The following CDH13 variants were observed in gnomAD, a reference collection of about 807,000 sequenced individuals.
The protein encoded by CDH13 is cadherin 13.
Under a neutral mutation model 63.8 loss-of-function variants are expected in CDH13, and 24 were observed. The ratio of observed to expected loss-of-function variants is 0.38; its 90% CI spans 0.27 to 0.53. The LOEUF is 0.53. Ranked by LOEUF, CDH13 falls within the 20% of genes least tolerant of loss-of-function variation. CDH13 has a pLI of 0.85. For missense variants in CDH13, 1,049 were observed against 903.1 expected (o/e 1.16, Z -2.07); for synonymous variants, 503 against 355.3 (o/e 1.42, Z -4.67).
At chr16:82,709,904 G>T (rs1271067763) in intron 1 of CDH13, among the ~76,000 whole-genome samples, 1 of 152,050 alleles carries the variant, frequency 6.6e-6, no homozygotes, top group Non-Finnish European at 1.5e-5. Context: ...GGGTTTGAAA[G>T]AAATAAAGCC....
At chr16:83,277,458 T>C (rs1273286118) in intron 5 of CDH13, among the ~76,000 whole-genome samples, 2 of 152,154 alleles carry the variant, frequency 1.3e-5, no homozygotes, top group African/African-American at 4.8e-5. Flanking sequence ...ACAATTCAGT[T>C]TGGGAATCCT....
chr16:82,744,882 T>A (rs1454046099), intron 1 of CDH13, among the ~76,000 whole-genome samples: 2 of 152,176 alleles, frequency 1.3e-5, no homozygotes, highest in Non-Finnish European at 2.9e-5. Flanking sequence ...GATACCCAGT[T>A]GTATCACTCT....
intron 6 of CDH13, among the ~76,000 whole-genome samples, chr16:83,408,088 C>G (rs9924792): frequency 0.013 from 1,978 of 152,244 alleles, 45 homozygotes; most frequent in African/African-American, 0.046. Context: ...TTGGGGACAA[C>G]GTTCAGAATC....
chr16:83,607,278 G>C (rs1044371058), intron 8 of CDH13, among the ~76,000 whole-genome samples: 1 of 151,888 alleles, frequency 6.6e-6, no homozygotes, highest in African/African-American at 2.4e-5. Flanking sequence ...AGATTAGCTG[G>C]GCATGGTGGC....
intron 5 of CDH13, among the ~76,000 whole-genome samples, chr16:83,291,627 C>T (rs1197317538): frequency 6.6e-6 from 1 of 152,068 alleles, no homozygotes; most frequent in Non-Finnish European, 1.5e-5. Context: ...AGATAGTTTT[C>T]TTGGTGGCCG....
intron 2 of CDH13, among the ~76,000 whole-genome samples, chr16:83,006,404 C>T (rs538108833): frequency 1.3e-5 from 2 of 152,334 alleles, no homozygotes; most frequent in South Asian, 4.1e-4. Context: ...ACACAACTTA[C>T]TTTCCCCCAG....
intron 3 of CDH13, among the ~76,000 whole-genome samples, chr16:83,100,735 G>A (rs947661148): frequency 1.3e-5 from 2 of 152,192 alleles, no homozygotes; most frequent in African/African-American, 4.8e-5. Context: ...GGATAGACTT[G>A]ACCATATGTT....
chr16:83,602,075 T>A, intron 7 of CDH13, among the ~76,000 whole-genome samples: 1 of 75,494 alleles, frequency 1.3e-5, no homozygotes, highest in Non-Finnish European at 2.3e-5. Context: ...AGAGTGAGAC[T>A]CTGTCTCAAA....
At chr16:83,391,071 C>T (rs965800232) in intron 6 of CDH13, among the ~76,000 whole-genome samples, 7 of 152,164 alleles carry the variant, frequency 4.6e-5, no homozygotes, top group Non-Finnish European at 8.8e-5. Flanking sequence ...TCCAATGACT[C>T]AGGCCCGAGT....
chr16:83,481,788 G>A (rs766892826), intron 6 of CDH13, among the ~76,000 whole-genome samples: 1 of 152,148 alleles, frequency 6.6e-6, no homozygotes, highest in Non-Finnish European at 1.5e-5. Context: ...CGGGGGAAAA[G>A]ACAGAAATGT....
intron 2 of CDH13, among the ~76,000 whole-genome samples, chr16:83,011,844 C>CT (rs1240970282): frequency 2.0e-5 from 3 of 152,202 alleles, no homozygotes; most frequent in African/African-American, 7.2e-5. Context: ...TTGCTCTTTG[C>CT]TGGATCTACC....
chr16:83,083,005 ATAAG>A (rs1201723223), intron 3 of CDH13, among the ~76,000 whole-genome samples: 1 of 152,160 alleles, frequency 6.6e-6, no homozygotes, highest in Non-Finnish European at 1.5e-5. Context: ...TAATAGGGAA[ATAAG>A]TAATAACTTT....
At chr16:83,076,114 A>G (rs2032816092) in intron 3 of CDH13, among the ~76,000 whole-genome samples, 1 of 152,210 alleles carries the variant, frequency 6.6e-6, no homozygotes, top group African/African-American at 2.4e-5. Context: ...GAAGGAAAAA[A>G]AAGTAAATGA....
intron 5 of CDH13, among the ~76,000 whole-genome samples, chr16:83,322,378 T>C (rs1408007665): frequency 6.6e-6 from 1 of 152,200 alleles, no homozygotes; most frequent in Non-Finnish European, 1.5e-5. Flanking sequence ...TAGGGGATAT[T>C]ACTGTGGTCT....
At chr16:82,812,084 C>G (rs1277035702) in intron 1 of CDH13, among the ~76,000 whole-genome samples, 1 of 152,134 alleles carries the variant, frequency 6.6e-6, no homozygotes, top group African/African-American at 2.4e-5. Flanking sequence ...CTGTGCCACC[C>G]TTTGTCTCTA....
chr16:82,900,574 G>A (rs551957007), intron 2 of CDH13, among the ~76,000 whole-genome samples: 24 of 152,330 alleles, frequency 1.6e-4, no homozygotes, highest in Middle Eastern at 3.4e-3. Flanking sequence ...GAATAAATAA[G>A]CCTTAAACAT....
intron 10 of CDH13, among the ~76,000 whole-genome samples, chr16:83,712,496 C>T (rs1265023338): frequency 6.6e-6 from 1 of 152,162 alleles, no homozygotes; most frequent in Admixed American, 6.5e-5. Context: ...AAGGAAATAT[C>T]CCAGGGCAAG....
At chr16:83,245,660 T>A (rs547458949) in intron 5 of CDH13, among the ~76,000 whole-genome samples, 160 of 152,374 alleles carry the variant, frequency 1.1e-3, no homozygotes, top group African/African-American at 3.5e-3. Context: ...TACATAAGGT[T>A]AGAGCTTAAG....
chr16:83,784,977 C>T (rs1455538339), intron 13 of CDH13, among the ~76,000 whole-genome samples: 1 of 152,208 alleles, frequency 6.6e-6, no homozygotes, highest in Non-Finnish European at 1.5e-5. Context: ...ATCAAGAGGC[C>T]ACCCCTCGGA....
Sources: gnomAD v4.1 joint callset for allele counts (sites outside exome capture counted in the v4.1 genomes callset) on GRCh38, gnomAD v4.1.1 for gene constraint, MANE v1.5 for transcripts, NCBI Gene and HGNC (gene_info 2026-07-23, HGNC 2026-07-21) for gene names.